Variants in DOCK6 observed in about 807,000 individuals in gnomAD.
DOCK6 encodes dedicator of cytokinesis protein 6.
In DOCK6, 167 loss-of-function variants were observed where a neutral mutation model predicts 230.3. That is an observed-to-expected ratio of 0.73 (90% CI 0.64 to 0.82). The LOEUF is 0.82. Among genes scored for constraint, DOCK6 ranks in the 40% least tolerant of loss-of-function variants. The pLI is 0.00. For synonymous variants in DOCK6, 1,148 were observed against 1,185.0 expected (o/e 0.97, Z 0.64); for missense variants, 2,598 against 2,825.8 (o/e 0.92, Z 1.83).
In DOCK6 at chr19:11,237,522, G is replaced by C. The variant is rs775576151; in HGVS notation, c.2007C>G (p.Thr669=). 1 of 1,613,122 alleles carries C rather than the reference G, an allele frequency of 6.2e-7. No homozygotes were observed. Residue 669 remains threonine (T), a synonymous_variant, in exon 18 of 48, where the codon ACC becomes ACG. Coordinates refer to ENST00000294618, the MANE Select transcript of DOCK6 (RefSeq NM_020812.4). The part of the protein sequence containing the change: ...IPLLQHGRLR[T]GPFCLPVSVD... ...CAGACACTGGGAGACAGAAGGGGCC[G>C]GTCCTCAGGCGCCCGTGCTGCAGCA...
rs1284068676 is a variant in DOCK6, at chr19:11,201,431, T to C, written c.5689-379A>G. Reference sequence around the variant, plus strand: ...CCCTGGGCTTCTCCTCCCTGGGCCTTCTTAGATTTGGAGTCCCTGTGCCTC... The same window carrying C: ...CCCTGGGCTTCTCCTCCCTGGGCCTCCTTAGATTTGGAGTCCCTGTGCCTC... On this transcript the variant is annotated intron_variant, in intron 44 of 47. Transcript: ENST00000294618. This position sits in a 1 kb window ranked among gnomAD's most constrained non-coding sequence, Gnocchi z 4.3. Among the ~76,000 whole-genome samples the C allele has an allele frequency of 6.6e-6, 1 of 150,966 alleles. No homozygotes were observed. Among genetic ancestry groups the C allele is most frequent in the African/African-American group, 2.4e-5 (1 of 40,930 alleles).
Position 11,241,444 on chromosome 19 carries a change from G to A in DOCK6, c.1643+601C>T, listed in dbSNP as rs1255689377. 16 of 1,547,412 alleles carry A rather than the reference G, an allele frequency of 1.0e-5. No homozygotes were observed. The East Asian group carries it at 2.4e-4, about 24-fold the overall frequency. ...TGAGGTTTCCATTCTGACCCCCACA[G>A]GCTCACGCTGACAAGCAGAGCCACA... is the stretch of plus-strand genomic sequence containing the variant. On this transcript the variant is annotated intron_variant, in intron 14 of 47. Transcript: ENST00000294618.
At position 11,218,241 on chromosome 19, in the gene DOCK6, G is replaced by A. The variant is rs770733367; in HGVS notation, c.3551-850C>T. On this transcript the variant is annotated intron_variant, in intron 28 of 47. Transcript: ENST00000294618. ...GGCCCACTGCGACCTCTGCCTCCCGGGTTCAAGCAATTCTCGTGCCTCAGC... is the reference window on the plus strand; with the variant it reads ...GGCCCACTGCGACCTCTGCCTCCCGAGTTCAAGCAATTCTCGTGCCTCAGC... 1.1e-3 allele frequency among the ~76,000 whole-genome samples: 170 copies of A among 152,116 alleles called. 2 individuals are homozygous for A. The highest frequency in any genetic ancestry group is 1.7e-3 in the Non-Finnish European group (114 of 67,984).
At chr19:11,257,668 A>G (rs2080219344) in intron 1 of DOCK6, among the ~76,000 whole-genome samples, 1 of 152,076 alleles carries the variant, frequency 6.6e-6, no homozygotes, top group African/African-American at 2.4e-5. Context: ...ACATGCCGGT[A>G]ATCTCAGTTA....
At chr19:11,227,239 T>A in intron 24 of DOCK6, 98 bp downstream of exon 24, 1 of 1,517,286 alleles carries the variant, frequency 6.6e-7, no homozygotes, top group South Asian at 1.2e-5. Context: ...TTCCTGGTCT[T>A]ACGGCCAGGA....
intron 23 of DOCK6, 25 bp downstream of exon 23, chr19:11,228,915 C>A (rs1313038515): frequency 6.2e-7 from 1 of 1,612,400 alleles, no homozygotes; most frequent in East Asian, 2.2e-5. Context: ...TCTCTTGCCA[C>A]CAGGCAGGGA....
In DOCK6 at chr19:11,201,117, G is replaced by A. The variant is rs1012277740; in HGVS notation, c.5689-65C>T. On this transcript the variant is annotated intron_variant, in intron 44 of 47. Coordinates refer to ENST00000294618, the MANE Select transcript of DOCK6 (RefSeq NM_020812.4). The surrounding 1 kb of genome is among the most constrained non-coding windows in gnomAD (Gnocchi z 4.3). The stretch of plus-strand genomic sequence containing the variant: ...GAGGAGGTCCTGATCGAAGCCAGTC[G>A]GGGGCAGCTCAGACCCCGCTGGGAG... The A allele has an allele frequency of 1.5e-5, 23 of 1,585,322 alleles. No individual in the cohort carries two copies. The highest frequency in any genetic ancestry group is 2.3e-5 in the South Asian group (2 of 88,312).
chr19:11,208,860 G>A (rs751370789), intron 38 of DOCK6, 31 bp from the exon 39 acceptor site: 1 of 1,605,194 alleles, frequency 6.2e-7, no homozygotes, highest in South Asian at 1.1e-5. Context: ...TCAGACCCTG[G>A]TCCCCACTGC....
At chr19:11,229,192 C>A in intron 22 of DOCK6, 157 bp from the exon 23 acceptor site, 1 of 1,261,956 alleles carries the variant, frequency 7.9e-7, no homozygotes, top group South Asian at 1.6e-5. Context: ...AGTGCCCTTT[C>A]CCTGGGCTCG....
intron 30 of DOCK6, 87 bp downstream of exon 30, chr19:11,216,827 C>T (rs985439763): frequency 2.9e-6 from 4 of 1,367,450 alleles, no homozygotes; most frequent in Admixed American, 3.4e-5. Context: ...GACAGTCCAC[C>T]CCTTCCCACT....
intron 37 of DOCK6, among the ~76,000 whole-genome samples, chr19:11,210,492 AT>A (rs2079360996): frequency 3.3e-5 from 3 of 91,942 alleles, no homozygotes; most frequent in Non-Finnish European, 4.4e-5. Flanking sequence ...TCACCTGTCT[AT>A]CCCCTCACCT....
Position 11,199,496 on chromosome 19 carries a change from C to T in DOCK6, c.*1G>A. Reference sequence around the variant, plus strand: ...TAGGTACAGCTTTGGTCCTTGTGGGCTCAGAGGTCTGCCTTTCGGAAACTT... The same window carrying T: ...TAGGTACAGCTTTGGTCCTTGTGGGTTCAGAGGTCTGCCTTTCGGAAACTT... On this transcript the variant is annotated 3_prime_UTR_variant, in exon 48 of 48. Transcript: ENST00000294618. 1 of 1,581,942 alleles carries T rather than the reference C, an allele frequency of 6.3e-7. No homozygotes were observed. Among genetic ancestry groups the T allele is most frequent in the South Asian group, 1.2e-5 (1 of 86,066 alleles).
chr19:11,246,136 G>A (rs1315084894), intron 7 of DOCK6, among the ~76,000 whole-genome samples: 3 of 150,060 alleles, frequency 2.0e-5, no homozygotes, highest in Non-Finnish European at 4.4e-5. Context: ...GTGCGATCTC[G>A]GCTCACTGCA....
intron 1 of DOCK6, among the ~76,000 whole-genome samples, chr19:11,256,239 A>C (rs963090434): frequency 6.6e-6 from 1 of 152,298 alleles, no homozygotes; most frequent in East Asian, 1.9e-4. Flanking sequence ...CCGTGGGCAC[A>C]CAGGGGCTGG....
chr19:11,243,280 G>A lies in DOCK6; in HGVS notation c.1364C>T (p.Thr455Ile). 6.2e-7 allele frequency: 1 copy of A among 1,609,198 alleles called. No individual in the cohort carries two copies. The highest frequency in any genetic ancestry group is 8.5e-7 in the Non-Finnish European group (1 of 1,177,896). ...SFSGFRPATL[T>I]VTNFFKQEAE... is the part of the protein sequence containing the mutation. Reference sequence around the variant, plus strand: ...CACCTGCTTAAAGAAGTTTGTGACAGTTAGCGTGGCTGGACGGAAGCCAGA... The same window carrying A: ...CACCTGCTTAAAGAAGTTTGTGACAATTAGCGTGGCTGGACGGAAGCCAGA... Residue 455 changes from threonine (T) to isoleucine (I), a missense_variant, in exon 12 of 48, where the codon ACT becomes ATT. Transcript: ENST00000294618. This position sits in a 1 kb window ranked among gnomAD's most constrained non-coding sequence, Gnocchi z 6.3.
chr19:11,206,679 TCATCTGGGA>T (rs1007893069), intron 39 of DOCK6, among the ~76,000 whole-genome samples: 1 of 151,936 alleles, frequency 6.6e-6, no homozygotes, highest in Non-Finnish European at 1.5e-5. Context: ...ACATCAGAGA[TCATCTGGGA>T]CATCTAAATA....
chr19:11,255,162 C>A (rs746201758), intron 1 of DOCK6, among the ~76,000 whole-genome samples: 3 of 152,180 alleles, frequency 2.0e-5, no homozygotes, highest in African/African-American at 7.2e-5. Context: ...TGCCACCACA[C>A]CTGGCTAATT....
At chr19:11,228,508 C>T (rs1160805449) in intron 23 of DOCK6, among the ~76,000 whole-genome samples, 2 of 150,786 alleles carry the variant, frequency 1.3e-5, no homozygotes, top group Non-Finnish European at 3.0e-5. Flanking sequence ...GGGGGGGGGT[C>T]TCTTGGGGCC....
At chr19:11,237,036 G>C (rs1414905319) in intron 18 of DOCK6, 157 bp from the exon 19 acceptor site, 1 of 698,724 alleles carries the variant, frequency 1.4e-6, no homozygotes, top group Admixed American at 2.9e-5. Flanking sequence ...AGTAGACTGA[G>C]AGGGTCCACT....
Sources: gnomAD v4.1 joint callset for allele counts (sites outside exome capture counted in the v4.1 genomes callset) on GRCh38, gnomAD v4.1.1 for gene constraint, Gnocchi (gnomAD v3.1) non-coding constraint, MANE v1.5 for transcripts, NCBI Gene and HGNC (gene_info 2026-07-23, HGNC 2026-07-21) for gene names.